PTPRT: variants seen among roughly 807,000 people sequenced by gnomAD.
PTPRT encodes receptor-type tyrosine-protein phosphatase T.
Under a neutral mutation model 176.8 loss-of-function variants are expected in PTPRT, and 56 were observed. The ratio of observed to expected loss-of-function variants is 0.32; its 90% CI spans 0.26 to 0.40. The LOEUF is 0.40. Ranked by LOEUF, PTPRT falls within the 10% of genes least tolerant of loss-of-function variation. The probability of loss-of-function intolerance (pLI) is 1.00; values close to 1 mark genes in which losing one functional copy is unlikely to be tolerated. For missense variants in PTPRT, 1,540 were observed against 1,908.2 expected, an observed-to-expected ratio of 0.81 and a Z score of 3.60; for synonymous variants, 783 against 739.0, an observed-to-expected ratio of 1.06 and a Z score of -0.96.
At chr20:42,580,018 A>G (rs574664431) in intron 7 of PTPRT, among the ~76,000 whole-genome samples, 5 of 152,276 alleles carry the variant, frequency 3.3e-5, no homozygotes, top group Non-Finnish European at 7.4e-5. Flanking sequence ...GTTTTCTCCT[A>G]GGGTTTTTAT....
intron 7 of PTPRT, among the ~76,000 whole-genome samples, chr20:42,656,405 G>A (rs1278420053): frequency 6.6e-6 from 1 of 152,190 alleles, no homozygotes; most frequent in African/African-American, 2.4e-5. Context: ...AGACTTACAA[G>A]TAGTGATAAG....
chr20:42,883,686 C>CCCCCAAT (rs1166255612), intron 2 of PTPRT, among the ~76,000 whole-genome samples: 23 of 148,862 alleles, frequency 1.5e-4, no homozygotes, highest in East Asian at 4.0e-4. Context: ...CACGGACACA[C>CCCCCAAT]ACACACACCT....
chr20:42,396,834 A>T (rs2058855553), intron 9 of PTPRT, among the ~76,000 whole-genome samples: 2 of 152,210 alleles, frequency 1.3e-5, no homozygotes, highest in Non-Finnish European at 2.9e-5. Context: ...CTGGGACTAT[A>T]GGCGTGAGCC....
chr20:42,411,720 C>T (rs545141097), intron 9 of PTPRT, among the ~76,000 whole-genome samples: 32 of 151,850 alleles, frequency 2.1e-4, no homozygotes, highest in Admixed American at 2.0e-3. Flanking sequence ...TTTGATAGCA[C>T]AGATGAAATA....
At chr20:43,023,886 G>A (rs1288786604) in intron 1 of PTPRT, among the ~76,000 whole-genome samples, 1 of 152,162 alleles carries the variant, frequency 6.6e-6, no homozygotes, top group Non-Finnish European at 1.5e-5. Context: ...GTTCCCCCGA[G>A]ACAAACATCC....
At chr20:42,087,225 A>G (rs982684334) in intron 27 of PTPRT, among the ~76,000 whole-genome samples, 2 of 151,060 alleles carry the variant, frequency 1.3e-5, no homozygotes, top group Admixed American at 1.3e-4. Context: ...TAAAATCATT[A>G]TAATTATTAT....
chr20:42,295,722 T>C (rs2057377007), intron 12 of PTPRT, among the ~76,000 whole-genome samples: 1 of 152,246 alleles, frequency 6.6e-6, no homozygotes, highest in Non-Finnish European at 1.5e-5. Flanking sequence ...TGCTATGGTC[T>C]GGCTTTGTGT....
At chr20:42,143,645 A>C (rs1336444117) in intron 17 of PTPRT, among the ~76,000 whole-genome samples, 2 of 151,864 alleles carry the variant, frequency 1.3e-5, no homozygotes, top group African/African-American at 2.4e-5. Flanking sequence ...GACATATGAG[A>C]AGTGATTATT....
At chr20:42,492,576 C>T (rs1258302830) in intron 7 of PTPRT, among the ~76,000 whole-genome samples, 1 of 152,092 alleles carries the variant, frequency 6.6e-6, no homozygotes, top group Non-Finnish European at 1.5e-5. Context: ...GCCTGTTGTG[C>T]AAATATAGAC....
the PTPRT span, among the ~76,000 whole-genome samples, chr20:42,034,467 G>A: frequency 6.6e-6 from 1 of 152,154 alleles, no homozygotes. Flanking sequence ...ACAGCCCAAT[G>A]GACACTCACT....
At chr20:42,380,374 A>C (rs1023261230) in intron 9 of PTPRT, among the ~76,000 whole-genome samples, 6 of 151,812 alleles carry the variant, frequency 4.0e-5, no homozygotes, top group African/African-American at 1.5e-4. Flanking sequence ...TTTAGCCCAC[A>C]CTCACTGTCC....
At chr20:42,376,149 G>A (rs973566571) in intron 9 of PTPRT, among the ~76,000 whole-genome samples, 1 of 152,194 alleles carries the variant, frequency 6.6e-6, no homozygotes, top group Non-Finnish European at 1.5e-5. Flanking sequence ...GGACTAAAAA[G>A]ATACGAGCTT....
chr20:42,370,565 C>T (rs914957840), intron 9 of PTPRT, among the ~76,000 whole-genome samples: 2 of 152,146 alleles, frequency 1.3e-5, no homozygotes, highest in Admixed American at 6.6e-5. Flanking sequence ...AGACTTTGGG[C>T]AAGGTGCTTA....
rs879030381 is a variant in PTPRT at position 42,077,123 on chromosome 20, G to A, written c.*3756C>T. The A allele has an allele frequency of 1.6e-5, 3 of 182,054 alleles. No individual in the cohort carries two copies. The highest frequency in any genetic ancestry group is 2.0e-4 in the South Asian group (1 of 5,078). The allele number at this position is 182,054 out of a possible 1,614,324, so 11.3% of individuals were successfully genotyped here. A position where few individuals can be genotyped will look rare whatever the true frequency, so the allele number is the denominator to read the frequency against. ...CTTTAGAATGCTGGAAGAATTTAATGAGCTCACATGTTAGAGTCCCCAGCA... is the reference window on the plus strand; with the variant it reads ...CTTTAGAATGCTGGAAGAATTTAATAAGCTCACATGTTAGAGTCCCCAGCA... On this transcript the variant is annotated 3_prime_UTR_variant, in exon 31 of 31. Coordinates refer to ENST00000373187, the MANE Select transcript of PTPRT (RefSeq NM_007050.6).
intron 15 of PTPRT, among the ~76,000 whole-genome samples, chr20:42,221,317 T>C (rs1486472946): frequency 6.6e-6 from 1 of 152,098 alleles, no homozygotes; most frequent in Non-Finnish European, 1.5e-5. Flanking sequence ...TGGTAGAATT[T>C]TTTATTTGGT....
At chr20:42,343,105 AG>A (rs2058136283) in intron 11 of PTPRT, among the ~76,000 whole-genome samples, 1 of 152,166 alleles carries the variant, frequency 6.6e-6, no homozygotes, top group South Asian at 2.1e-4. Context: ...CTAAGAAAGC[AG>A]GTCTCATGTC....
At chr20:42,677,388 G>C (rs6102986) in intron 7 of PTPRT, among the ~76,000 whole-genome samples, 11,712 of 151,880 alleles carry the variant, frequency 0.077, 499 homozygotes, top group South Asian at 0.16. Context: ...AGAGCCAGGA[G>C]CCCTCAGAGA....
intron 16 of PTPRT, among the ~76,000 whole-genome samples, chr20:42,197,771 G>A (rs1991290350): frequency 6.6e-6 from 1 of 151,986 alleles, no homozygotes. Flanking sequence ...GGTGAGTACA[G>A]CCAAGTGCAA....
intron 1 of PTPRT, among the ~76,000 whole-genome samples, chr20:43,114,042 CACTT>C (rs1171904540): frequency 6.6e-6 from 1 of 152,168 alleles, no homozygotes; most frequent in African/African-American, 2.4e-5. Context: ...TCAATAAACA[CACTT>C]ACACACATAC....
Sources: allele counts gnomAD v4.1 joint callset (sites outside exome capture counted in the v4.1 genomes callset), GRCh38; gene constraint gnomAD v4.1.1; transcripts MANE v1.5; gene names NCBI Gene and HGNC (gene_info 2026-07-23, HGNC 2026-07-21).